The following STK32B variants were observed in gnomAD, a reference collection of about 807,000 sequenced individuals.
The protein encoded by STK32B is serine/threonine-protein kinase 32B.
Under a neutral mutation model 52.6 loss-of-function variants are expected in STK32B, and 43 were observed. That is an observed-to-expected ratio of 0.82 (90% CI 0.64 to 1.05). STK32B has a LOEUF of 1.05. STK32B is among the 50% of genes least tolerant of loss of function. The pLI, the probability that STK32B is intolerant of heterozygous loss-of-function variation, is 0.00. For synonymous variants in STK32B, 238 were observed against 204.3 expected (o/e 1.17, Z -1.41); for missense variants, 621 against 534.6 (o/e 1.16, Z -1.59).
intron 3 of STK32B, among the ~76,000 whole-genome samples, chr4:5,290,455 C>T (rs1728828110): frequency 6.6e-6 from 1 of 152,094 alleles, no homozygotes; most frequent in African/African-American, 2.4e-5. Context: ...CAAACATTAG[C>T]CTAGGCCTGC....
chr4:5,388,173 G>C (rs182753224), intron 4 of STK32B, among the ~76,000 whole-genome samples: 64 of 152,318 alleles, frequency 4.2e-4, no homozygotes, highest in African/African-American at 1.5e-3. Context: ...ATAAATCACA[G>C]TATGGGAAGG....
At chr4:5,489,084 A>G (rs1182122582) in intron 11 of STK32B, among the ~76,000 whole-genome samples, 4 of 152,170 alleles carry the variant, frequency 2.6e-5, no homozygotes. Flanking sequence ...GAACCAGTTT[A>G]TAATTTGAAG....
intron 4 of STK32B, among the ~76,000 whole-genome samples, chr4:5,370,582 A>G (rs7690081): frequency 0.032 from 4,912 of 152,254 alleles, 101 homozygotes; most frequent in East Asian, 0.075. Flanking sequence ...ACACAGAGCA[A>G]AGTCACTGGA....
At chr4:5,286,794 CTTTTTTT>C (rs60300816) in intron 3 of STK32B, among the ~76,000 whole-genome samples, 1 of 113,270 alleles carries the variant, frequency 8.8e-6, no homozygotes, top group African/African-American at 4.0e-5. Flanking sequence ...TACAGATGTA[CTTTTTTT>C]TTTTTTTTTT....
intron 5 of STK32B, among the ~76,000 whole-genome samples, chr4:5,408,764 C>T (rs1737840886): frequency 6.6e-6 from 1 of 152,094 alleles, no homozygotes; most frequent in South Asian, 2.1e-4. Context: ...TCATGAGGCA[C>T]ACCTGTCTGG....
intron 1 of STK32B, among the ~76,000 whole-genome samples, chr4:5,133,149 A>T (rs1359368146): frequency 6.6e-6 from 1 of 152,166 alleles, no homozygotes; most frequent in Non-Finnish European, 1.5e-5. Flanking sequence ...CTTGCACCAG[A>T]AGGTCAGCTC....
chr4:5,074,209 T>TGTGTGTGTGTGTGC (rs397878571), intron 1 of STK32B, among the ~76,000 whole-genome samples: 14 of 144,316 alleles, frequency 9.7e-5, no homozygotes, highest in East Asian at 2.1e-4. Flanking sequence ...TGTGTGTGTG[T>TGTGTGTGTGTGTGC]GCGCGTGCGT....
intron 3 of STK32B, among the ~76,000 whole-genome samples, chr4:5,176,259 G>A (rs115828472): frequency 3.9e-5 from 6 of 151,904 alleles, no homozygotes; most frequent in African/African-American, 1.2e-4. Flanking sequence ...CAGGTGAGGC[G>A]ATGCCTCGCC....
At chr4:5,158,473 TC>T (rs984284982) in intron 2 of STK32B, among the ~76,000 whole-genome samples, 3 of 152,152 alleles carry the variant, frequency 2.0e-5, no homozygotes, top group African/African-American at 7.2e-5. Flanking sequence ...AGGCAAATTC[TC>T]CACGTTGTTT....
At chr4:5,480,351 T>A (rs1239505240) in intron 11 of STK32B, among the ~76,000 whole-genome samples, 12 of 152,136 alleles carry the variant, frequency 7.9e-5, no homozygotes, top group South Asian at 2.1e-4. Flanking sequence ...GGGGTACAGC[T>A]TGGTTTTAAA....
intron 1 of STK32B, among the ~76,000 whole-genome samples, chr4:5,114,728 A>G (rs1245939271): frequency 6.6e-6 from 1 of 152,228 alleles, no homozygotes; most frequent in Non-Finnish European, 1.5e-5. Context: ...GGAGACGTTC[A>G]TATCCAAGCA....
intron 3 of STK32B, among the ~76,000 whole-genome samples, chr4:5,211,485 A>G (rs1054318218): frequency 6.6e-6 from 1 of 150,458 alleles, no homozygotes; most frequent in Admixed American, 6.7e-5. Context: ...TTCTACAAGG[A>G]AAGAGCCAAA....
chr4:5,201,455 A>G (rs541557148), intron 3 of STK32B, among the ~76,000 whole-genome samples: 34 of 152,252 alleles, frequency 2.2e-4, no homozygotes, highest in African/African-American at 7.2e-4. Flanking sequence ...TTTGATATCC[A>G]TACTCAGATC....
intron 3 of STK32B, among the ~76,000 whole-genome samples, chr4:5,197,568 C>T (rs752241291): frequency 6.6e-6 from 1 of 152,180 alleles, no homozygotes; most frequent in Non-Finnish European, 1.5e-5. Flanking sequence ...AAAATGAATG[C>T]ACTATTTCTG....
intron 3 of STK32B, among the ~76,000 whole-genome samples, chr4:5,173,804 T>TC (rs1719591507): frequency 1.3e-5 from 2 of 152,232 alleles, no homozygotes; most frequent in Non-Finnish European, 1.5e-5. Flanking sequence ...GAGAGTTCTG[T>TC]AGATGTCTAT....
intron 3 of STK32B, among the ~76,000 whole-genome samples, chr4:5,313,184 C>G (rs905525173): frequency 1.3e-5 from 2 of 151,460 alleles, no homozygotes; most frequent in African/African-American, 2.4e-5. Context: ...GAATTACACA[C>G]CACAACAAAT....
At position 5,137,204 on chromosome 4, in the gene STK32B, C is replaced by T. The variant is rs369944043; in HGVS notation, c.53-2701C>T. ...GTAACTCAGGAAGGCAGTAATCATG[C>T]ACTCCCTAATGCTGAAGCCTAGAAT... is the stretch of plus-strand genomic sequence containing the variant. On this transcript the variant is annotated intron_variant, in intron 1 of 11. Coordinates refer to ENST00000282908, the MANE Select transcript of STK32B (RefSeq NM_018401.3). Among the ~76,000 whole-genome samples the T allele has an allele frequency of 7.9e-5, 12 of 152,294 alleles. No individual in the cohort carries two copies. In the South Asian group the frequency reaches 2.5e-3, roughly 32 times the overall value.
intron 2 of STK32B, among the ~76,000 whole-genome samples, chr4:5,145,726 G>A (rs1716859978): frequency 6.6e-6 from 1 of 152,024 alleles, no homozygotes; most frequent in African/African-American, 2.4e-5. Context: ...ATTTAATTGT[G>A]GGATACATAT....
intron 3 of STK32B, among the ~76,000 whole-genome samples, chr4:5,208,656 A>T (rs936186166): frequency 2.0e-5 from 3 of 151,678 alleles, no homozygotes; most frequent in Non-Finnish European, 4.4e-5. Flanking sequence ...TCCCTGCTTG[A>T]ACCTTGGATT....
Sources: gnomAD v4.1 joint callset for allele counts (sites outside exome capture counted in the v4.1 genomes callset) on GRCh38, gnomAD v4.1.1 for gene constraint, MANE v1.5 for transcripts, NCBI Gene and HGNC (gene_info 2026-07-23, HGNC 2026-07-21) for gene names.